MEN1: variants seen among roughly 807,000 people sequenced by gnomAD.
The protein encoded by MEN1 is menin.
A neutral mutation model predicts 58.0 loss-of-function variants in MEN1; 6 were observed. That is an observed-to-expected ratio of 0.10 (90% CI 0.06 to 0.20). MEN1 has a LOEUF of 0.20. Ranked by LOEUF, MEN1 falls within the 10% of genes least tolerant of loss-of-function variation. MEN1 has a pLI of 1.00. For missense variants in MEN1, 492 were observed against 818.5 expected, an observed-to-expected ratio of 0.60 and a Z score of 4.87; for synonymous variants, 346 against 350.7, an observed-to-expected ratio of 0.99 and a Z score of 0.15.
rs748102589 is a variant in MEN1 at position 64,804,780 on chromosome 11, C to G, written c.1387G>C (p.Glu463Gln). 8.1e-6 allele frequency: 13 copies of G among 1,596,992 alleles called. No homozygotes were observed. Among genetic ancestry groups the G allele is most frequent in the Non-Finnish European group, 1.1e-5 (13 of 1,179,098 alleles). ...QKVRIVSREA[E>Q]AAEAEEPWGE... is the part of the protein sequence containing the mutation. The stretch of plus-strand genomic sequence containing the variant: ...CACGGCTCCTCGGCCTCGGCCGCCT[C>G]GGCCTCTCGGCTCACTATGCGCACC... The change falls in exon 10 of 10, where the codon GAG becomes CAG. Residue 463 changes from glutamate (E) to glutamine (Q), a missense_variant. By Grantham distance (29) the Glu-to-Gln change is conservative. Around this residue, in one of 5 missense-constraint regions of MEN1, gnomAD observed 45 missense variants for 66.9 expected, o/e 0.67. Coordinates refer to ENST00000450708, the MANE Select transcript of MEN1 (RefSeq NM_001370259.2). This position sits in a 1 kb window ranked among gnomAD's most constrained non-coding sequence, Gnocchi z 4.2.
chr11:64,809,935 G>A lies in MEN1; in HGVS notation c.175C>T (p.Pro59Ser), dbSNP rs1352823623. 2.5e-6 allele frequency: 4 copies of A among 1,584,916 alleles called. No individual in the cohort carries two copies. The highest frequency in any genetic ancestry group is 3.4e-6 in the Non-Finnish European group (4 of 1,165,686). ...AVNRVIPTNV[P>S]ELTFQPSPAP... ...GGGCTGGGCTGGAAGGTGAGCTCGG[G>A]AACGTTGGTAGGGATGACGCGGTTG... is the stretch of plus-strand genomic sequence containing the variant. The change falls in exon 2 of 10, where the codon CCC becomes TCC. Residue 59 changes from proline to serine, a missense_variant. This residue lies in a region of MEN1 where 335 missense variants were observed against 550.3 expected (regional missense o/e 0.61). Coordinates refer to ENST00000450708, the MANE Select transcript of MEN1 (RefSeq NM_001370259.2).
Position 64,806,360 on chromosome 11 carries a change from G to A in MEN1, c.921C>T (p.Ala307=), listed in dbSNP as rs1060503788. The change falls in exon 7 of 10, where the codon GCC becomes GCT. Residue 307 remains alanine, a synonymous_variant. Transcript: ENST00000450708. ...DPLTLYHKGI[A]SAKTYYRDEH... ...CATCCCGATAGTAGGTCTTGGCTGA[G>A]GCAATGCCCTGGATGGAGGTGAGGC... The A allele has an allele frequency of 6.2e-7, 1 of 1,614,206 alleles. No homozygotes were observed. The highest frequency in any genetic ancestry group is 8.5e-7 in the Non-Finnish European group (1 of 1,180,010).
Position 64,806,354 on chromosome 11 carries a change from G to A in MEN1, c.927C>T (p.Ala309=). The part of the protein sequence containing the change: ...LTLYHKGIAS[A]KTYYRDEHIY... The stretch of plus-strand genomic sequence containing the variant: ...TGTGTTCATCCCGATAGTAGGTCTT[G>A]GCTGAGGCAATGCCCTGGATGGAGG... Residue 309 remains alanine, a synonymous_variant, in exon 7 of 10, where the codon GCC becomes GCT. Coordinates refer to ENST00000450708, the MANE Select transcript of MEN1 (RefSeq NM_001370259.2). 2 of 1,614,182 alleles carry A rather than the reference G, an allele frequency of 1.2e-6. No individual in the cohort carries two copies. Among genetic ancestry groups the A allele is most frequent in the Non-Finnish European group, 1.7e-6 (2 of 1,180,000 alleles).
rs587780843 is a variant in MEN1 at position 64,804,573 on chromosome 11, C to A, written c.1594G>T (p.Gly532Cys). 19 of 1,612,964 alleles carry A rather than the reference C, an allele frequency of 1.2e-5. No homozygotes were observed. The highest frequency in any genetic ancestry group is 1.5e-5 in the Non-Finnish European group (18 of 1,179,982). Reference protein sequence around the residue: ...VAGTARGPEGGSTAQVPAPTA... With the variant: ...VAGTARGPEGCSTAQVPAPTA... ...GGTGCTGGCACCTGAGCCGTGCTGC[C>A]ACCTTCAGGGCCTCGGGCTGTGCCA... Residue 532 changes from glycine (G) to cysteine (C), a missense_variant, in exon 10 of 10, where the codon GGC becomes TGC. Gly to Cys is a radical substitution (Grantham distance 159). Coordinates refer to ENST00000450708, the MANE Select transcript of MEN1 (RefSeq NM_001370259.2). The surrounding 1 kb of genome is among the most constrained non-coding windows in gnomAD (Gnocchi z 4.2).
chr11:64,807,150 G>A lies in MEN1; in HGVS notation c.824+29C>T, dbSNP rs2136131748. 1 of 1,613,982 alleles carries A rather than the reference G, an allele frequency of 6.2e-7. No homozygotes were observed. The highest frequency in any genetic ancestry group is 8.5e-7 in the Non-Finnish European group (1 of 1,179,926). ...CCACCCAGCCCCCCGGCCTCACCAG[G>A]CGCAGCCTGGCCACTTCCCTCTACT... On this transcript the variant is annotated intron_variant, in intron 5 of 9. Transcript: ENST00000450708. This position sits in a 1 kb window ranked among gnomAD's most constrained non-coding sequence, Gnocchi z 4.9.
rs1411927545 is a variant in MEN1 at position 64,809,951 on chromosome 11, G to C, written c.159C>G (p.Val53=). ...FVEHFLAVNR[V]IPTNVPELTF... is the part of the protein sequence containing the mutation. ...TGAGCTCGGGAACGTTGGTAGGGAT[G>C]ACGCGGTTGACAGCCAGAAAATGCT... The change falls in exon 2 of 10, where the codon GTC becomes GTG. Residue 53 remains valine, a synonymous_variant. Coordinates refer to ENST00000450708, the MANE Select transcript of MEN1 (RefSeq NM_001370259.2). 5 of 1,584,940 alleles carry C rather than the reference G, an allele frequency of 3.2e-6. No individual in the cohort carries two copies. The highest frequency in any genetic ancestry group is 4.3e-6 in the Non-Finnish European group (5 of 1,165,656).
At chr11:64,805,563 C>T in intron 8 of MEN1, 72 bp downstream of exon 8, 2 of 1,577,206 alleles carry the variant, frequency 1.3e-6, no homozygotes, top group Non-Finnish European at 1.7e-6. Flanking sequence ...GTACATGCAG[C>T]CCCCATGGCC....
At chr11:64,808,155 G>T (rs2136161965) in intron 2 of MEN1, 56 bp from the exon 3 acceptor site, 1 of 1,510,352 alleles carries the variant, frequency 6.6e-7, no homozygotes, top group South Asian at 1.2e-5. Context: ...ATGGGGAAAG[G>T]GGGCCAGGTA....
chr11:64,804,077 G>T lies in MEN1; in HGVS notation c.*257C>A. The T allele has an allele frequency of 1.8e-6, 1 of 540,646 alleles. No individual in the cohort carries two copies. Among genetic ancestry groups the T allele is most frequent in the Middle Eastern group, 5.0e-4 (1 of 2,006 alleles). 33.5% of individuals were successfully genotyped at this position (540,646 alleles called of 1,614,324 possible). ...TGGGCCTTTAAAGACTGGTAATTAG[G>T]ACCCAGCGTGAGGTTTCCATTGGCC... On this transcript the variant is annotated 3_prime_UTR_variant, in exon 10 of 10. Coordinates refer to ENST00000450708, the MANE Select transcript of MEN1 (RefSeq NM_001370259.2). The surrounding 1 kb of genome is among the most constrained non-coding windows in gnomAD (Gnocchi z 4.2).
Position 64,807,576 on chromosome 11 carries a change from C to T in MEN1, c.759G>A (p.Ser253=), listed in dbSNP as rs201829546. ...INPSIDLHTD[S]LELLQLQQKL... is the part of the protein sequence containing the mutation. ...CCTGCTGCAGCTGCAGAAGCTCCAG[C>T]GAGTCGGTGTGCAGGTCAATGGAAG... Residue 253 remains serine, a synonymous_variant, in exon 4 of 10, where the codon TCG becomes TCA. Coordinates refer to ENST00000450708, the MANE Select transcript of MEN1 (RefSeq NM_001370259.2). This position sits in a 1 kb window ranked among gnomAD's most constrained non-coding sequence, Gnocchi z 4.9. The T allele has an allele frequency of 5.3e-5, 85 of 1,614,152 alleles. 1 individual carries two copies. In the South Asian group the frequency reaches 5.6e-4, roughly 11 times the overall value.
At chr11:64,811,021 TAA>T (rs1198288851), upstream of MEN1, 4 of 152,126 alleles carry the variant, frequency 2.6e-5, no homozygotes, top group African/African-American at 9.7e-5. Context: ...TGTTAACATA[TAA>T]AGATGCCTAC....
Position 64,807,590 on chromosome 11 carries a change from G to T in MEN1, c.745C>A (p.Leu249Met), listed in dbSNP as rs2136140837. ...MVCAINPSID[L>M]HTDSLELLQL... is the part of the protein sequence containing the mutation. ...AGAAGCTCCAGCGAGTCGGTGTGCAGGTCAATGGAAGGGTTGATGGCACAC... is the reference window on the plus strand; with the variant it reads ...AGAAGCTCCAGCGAGTCGGTGTGCATGTCAATGGAAGGGTTGATGGCACAC... Residue 249 changes from leucine to methionine, a missense_variant, in exon 4 of 10, where the codon CTG becomes ATG. This residue lies in a region of MEN1 where 335 missense variants were observed against 550.3 expected (regional missense o/e 0.61). Transcript: ENST00000450708. The surrounding 1 kb of genome is among the most constrained non-coding windows in gnomAD (Gnocchi z 4.9). 6.2e-7 allele frequency: 1 copy of T among 1,614,156 alleles called. No individual in the cohort carries two copies. The highest frequency in any genetic ancestry group is 8.5e-7 in the Non-Finnish European group (1 of 1,180,024).
Position 64,804,970 on chromosome 11 carries a change from CT to C in MEN1, c.1350+63del. On this transcript the variant is annotated intron_variant, in intron 9 of 9. Transcript: ENST00000450708. The surrounding 1 kb of genome is among the most constrained non-coding windows in gnomAD (Gnocchi z 4.2). ...GATGCTGCCCCTGGGCCAGAAAAGTCTGACAAGCCCGTGGCTGCTGTCACCA... is the reference window on the plus strand; with the variant it reads ...GATGCTGCCCCTGGGCCAGAAAAGTCGACAAGCCCGTGGCTGCTGTCACCA... The C allele has an allele frequency of 1.9e-6, 3 of 1,605,046 alleles. No homozygotes were observed. Among genetic ancestry groups the C allele is most frequent in the Non-Finnish European group, 2.5e-6 (3 of 1,179,638 alleles).
chr11:64,804,688 C>T lies in MEN1; in HGVS notation c.1479G>A (p.Pro493=), dbSNP rs546721780. 1.9e-5 allele frequency: 30 copies of T among 1,594,068 alleles called. No homozygotes were observed. The Admixed American group carries it at 3.2e-4, about 17-fold the overall frequency. The change falls in exon 10 of 10, where the codon CCG becomes CCA. Residue 493 remains proline, a synonymous_variant. Coordinates refer to ENST00000450708, the MANE Select transcript of MEN1 (RefSeq NM_001370259.2). The surrounding 1 kb of genome is among the most constrained non-coding windows in gnomAD (Gnocchi z 4.2). ...PRRESKPEEP[P]PPKKPALDKG... The stretch of plus-strand genomic sequence containing the variant: ...TGTCCAGTGCTGGCTTCTTGGGCGG[C>T]GGGGGCTCCTCTGGCTTGGACTCCC...
At position 64,809,771 on chromosome 11, in the gene MEN1, G is replaced by A. The variant is rs559635859; in HGVS notation, c.339C>T (p.Ser113=). 23 of 1,614,124 alleles carry A rather than the reference G, an allele frequency of 1.4e-5. No homozygotes were observed. The Admixed American group carries it at 3.5e-4, about 25-fold the overall frequency. Residue 113 remains serine (S), a synonymous_variant, in exon 2 of 10, where the codon TCC becomes TCT. Coordinates refer to ENST00000450708, the MANE Select transcript of MEN1 (RefSeq NM_001370259.2). ...LSLYPREGGV[S]SRELVKKVSD... ...AGACCTTCTTCACCAGCTCACGGCT[G>A]GAGACACCCCCTTCTCGAGGATAGA...
Position 64,807,757 on chromosome 11 carries a change from G to A in MEN1, c.655-77C>T. ...CTTCAGGGAATGACAGCCAGGAAAA[G>A]GGGCTCTTCTGTCTTCCCTTCCTAT... On this transcript the variant is annotated intron_variant, in intron 3 of 9. Transcript: ENST00000450708. The surrounding 1 kb of genome is among the most constrained non-coding windows in gnomAD (Gnocchi z 4.9). 2 of 1,612,320 alleles carry A rather than the reference G, an allele frequency of 1.2e-6. No homozygotes were observed. Among genetic ancestry groups the A allele is most frequent in the Non-Finnish European group, 1.7e-6 (2 of 1,178,942 alleles).
rs377038984 is a variant in MEN1 at position 64,804,858 on chromosome 11, C to T, written c.1351-42G>A. On this transcript the variant is annotated intron_variant, in intron 9 of 9. Transcript: ENST00000450708. This position sits in a 1 kb window ranked among gnomAD's most constrained non-coding sequence, Gnocchi z 4.2. ...AGCAAGGTGAGAGCAAGGTTGCCGG[C>T]CAGTGGCTGGAACTCCAGGACCCTG... 2 of 1,595,284 alleles carry T rather than the reference C, an allele frequency of 1.3e-6. No homozygotes were observed. The highest frequency in any genetic ancestry group is 1.7e-6 in the Non-Finnish European group (2 of 1,177,848).
In MEN1 at chr11:64,805,704, G is replaced by C; in HGVS notation, c.1116C>G (p.Ile372Met). Reference protein sequence around the residue: ...KEFFEVANDVIPNLLKEAASL... With the variant: ...KEFFEVANDVMPNLLKEAASL... ...TGGCTGCCTCCTTCAGCAGGTTGGG[G>C]ATGACATCATTGGCTACTTCAAAGA... is the stretch of plus-strand genomic sequence containing the variant. Residue 372 changes from isoleucine (I) to methionine (M), a missense_variant, in exon 8 of 10, where the codon ATC becomes ATG. By Grantham distance (10) the Ile-to-Met change is conservative. Coordinates refer to ENST00000450708, the MANE Select transcript of MEN1 (RefSeq NM_001370259.2). The C allele has an allele frequency of 6.2e-7, 1 of 1,614,186 alleles. No individual in the cohort carries two copies. Among genetic ancestry groups the C allele is most frequent in the Non-Finnish European group, 8.5e-7 (1 of 1,180,010 alleles).
Position 64,807,048 on chromosome 11 carries a change from G to T in MEN1, c.875C>A (p.Thr292Asn). Residue 292 changes from threonine (T) to asparagine (N), a missense_variant, in exon 6 of 10, where the codon ACC becomes AAC. Thr to Asn is a moderately conservative substitution (Grantham distance 65). Around this residue, in one of 5 missense-constraint regions of MEN1, gnomAD observed 335 missense variants for 550.3 expected, o/e 0.61. Transcript: ENST00000450708. The surrounding 1 kb of genome is among the most constrained non-coding windows in gnomAD (Gnocchi z 4.9). ...GGTGAGTGGGTCTGGCCGGCCAGGGGTGGGCTCCAGCTCCTCTAGATCTGC... is the reference window on the plus strand; with the variant it reads ...GGTGAGTGGGTCTGGCCGGCCAGGGTTGGGCTCCAGCTCCTCTAGATCTGC... ...NLADLEELEP[T>N]PGRPDPLTLY... 6.2e-7 allele frequency: 1 copy of T among 1,613,626 alleles called. No individual in the cohort carries two copies. The highest frequency in any genetic ancestry group is 8.5e-7 in the Non-Finnish European group (1 of 1,180,028).
Sources: gnomAD v4.1 joint callset for allele counts on GRCh38, gnomAD v4.1.1 for gene constraint, gnomAD v4.1.1 regional missense constraint, Gnocchi (gnomAD v3.1) non-coding constraint, MANE v1.5 for transcripts, NCBI Gene and HGNC (gene_info 2026-07-23, HGNC 2026-07-21) for gene names.